Variants in CSAD observed in about 807,000 individuals in gnomAD.
CSAD encodes the protein cysteine sulfinic acid decarboxylase, also known as P-selectin cytoplasmic tail-associated protein.
In CSAD, 47 loss-of-function variants were observed where a neutral mutation model predicts 61.5. The observed-to-expected ratio is 0.76, with a 90% confidence interval of 0.60 to 0.97. The LOEUF is 0.97. Ranked by LOEUF, CSAD falls within the 50% of genes least tolerant of loss-of-function variation. The pLI is 0.00. For synonymous variants in CSAD, 245 were observed against 252.7 expected, an observed-to-expected ratio of 0.97 and a Z score of 0.29; for missense variants, 611 against 643.6, an observed-to-expected ratio of 0.95 and a Z score of 0.55.
intron 10 of CSAD, among the ~76,000 whole-genome samples, chr12:53,167,226 T>C (rs1461411451): frequency 1.3e-5 from 2 of 151,990 alleles, no homozygotes; most frequent in South Asian, 4.1e-4. Flanking sequence ...ACAGGTGGGG[T>C]GGAAACAGTC....
chr12:53,171,315 C>G lies in CSAD; in HGVS notation c.567+11G>C. ...CAGGAGCCCAGGGTTGGGCCTGTGC[C>G]TCTTCCCCACCTCCTTCGATGTGAA... On this transcript the variant is annotated intron_variant, in intron 8 of 16. Transcript: ENST00000444623. The G allele has an allele frequency of 6.2e-7, 1 of 1,613,964 alleles. No homozygotes were observed. The highest frequency in any genetic ancestry group is 8.5e-7 in the Non-Finnish European group (1 of 1,180,020).
At chr12:53,166,971 C>T (rs1220400833) in intron 10 of CSAD, among the ~76,000 whole-genome samples, 1 of 152,166 alleles carries the variant, frequency 6.6e-6, no homozygotes, top group Non-Finnish European at 1.5e-5. Context: ...AGATTCTCAA[C>T]AGAGACTCTA....
intron 1 of CSAD, chr12:53,180,521 A>G: frequency 2.4e-6 from 3 of 1,272,032 alleles, no homozygotes; most frequent in Non-Finnish European, 3.1e-6. Flanking sequence ...CGCCGGCCTC[A>G]GCGCTCCCTC....
intron 7 of CSAD, chr12:53,171,647 C>A: frequency 1.6e-6 from 1 of 627,648 alleles, no homozygotes; most frequent in East Asian, 2.7e-5. Flanking sequence ...TGGGGCTGCC[C>A]CCAAGAGACA....
rs1305741158 is a variant in CSAD at position 53,180,718 on chromosome 12, G to T, written c.-91+14C>A. The T allele has an allele frequency of 7.9e-7, 1 of 1,267,548 alleles. No homozygotes were observed. The highest frequency in any genetic ancestry group is 1.0e-6 in the Non-Finnish European group (1 of 978,216). The allele number at this position is 1,267,548 out of a possible 1,614,324, so 78.5% of individuals were successfully genotyped here. On this transcript the variant is annotated intron_variant, in intron 1 of 16. Transcript: ENST00000444623. ...TCCGGGGAAACGGGCCGGGGTTGGT[G>T]TTTGTAAACTTGCCTCGGTCCCGGT...
At position 53,158,630 on chromosome 12, in the gene CSAD, A is replaced by G. The variant is rs778690383; in HGVS notation, c.1363T>C (p.Tyr455His). 2 of 1,614,204 alleles carry G rather than the reference A, an allele frequency of 1.2e-6. No homozygotes were observed. The highest frequency in any genetic ancestry group is 4.5e-5 in the East Asian group (2 of 44,874). ...MVKEGSMMIG[Y>H]QPHGTRGNFF... Reference sequence around the variant, plus strand: ...TTGCCCCGGGTCCCGTGGGGCTGGTAGCCAATCATCATGGAGCCCTCCTTC... The same window carrying G: ...TTGCCCCGGGTCCCGTGGGGCTGGTGGCCAATCATCATGGAGCCCTCCTTC... The change falls in exon 17 of 17, where the codon TAC (tyrosine) becomes CAC (histidine). Residue 455 changes from tyrosine (Y) to histidine (H), a missense_variant. Physicochemically the swap from Tyr to His is moderately conservative, Grantham distance 83 (BLOSUM62 2). Transcript: ENST00000444623.
intron 16 of CSAD, among the ~76,000 whole-genome samples, chr12:53,159,330 C>T (rs1227611442): frequency 6.6e-6 from 1 of 152,246 alleles, no homozygotes; most frequent in African/African-American, 2.4e-5. Flanking sequence ...CATGATCATT[C>T]TGCCTCATAT....
At chr12:53,170,227 C>A (rs1940397467) in intron 9 of CSAD, 101 bp from the exon 10 acceptor site, 16 of 1,183,358 alleles carry the variant, frequency 1.4e-5, no homozygotes, top group Non-Finnish European at 1.9e-5. Context: ...TAGTTTTTCC[C>A]TCAGGGGGTG....
chr12:53,162,089 G>A lies in CSAD; in HGVS notation c.703-700C>T, dbSNP rs59557866. 6.6e-5 allele frequency among the ~76,000 whole-genome samples: 10 copies of A among 151,880 alleles called. No individual in the cohort carries two copies. In the East Asian group the frequency reaches 9.7e-4, roughly 15 times the overall value. On this transcript the variant is annotated intron_variant, in intron 10 of 16. Transcript: ENST00000444623. ...AGCCTGGCCAACATGGCAAAACCCC[G>A]TCTCTATTAAAAAATACAGAAATTA...
chr12:53,173,985 T>C (rs956895889), intron 2 of CSAD: 25 of 569,638 alleles, frequency 4.4e-5, no homozygotes, highest in Non-Finnish European at 2.5e-5. Flanking sequence ...TCTGTAGATT[T>C]GTCTAGTCTG....
Position 53,171,981 on chromosome 12 carries a change from A to T in CSAD, c.352T>A (p.Tyr118Asn), listed in dbSNP as rs757807557. 3.1e-6 allele frequency: 5 copies of T among 1,612,810 alleles called. No homozygotes were observed. The highest frequency in any genetic ancestry group is 4.2e-6 in the Non-Finnish European group (5 of 1,178,926). Reference sequence around the variant, plus strand: ...AGCACAAACACGGGGGCGATTTCATATGTGTACCTGCCAGGAGAGAGAACG... The same window carrying T: ...AGCACAAACACGGGGGCGATTTCATTTGTGTACCTGCCAGGAGAGAGAACG... ...TESLNTSQYTYEIAPVFVLME... is the reference protein window; with the variant it reads ...TESLNTSQYTNEIAPVFVLME... The change falls in exon 7 of 17, where the codon TAT (tyrosine) becomes AAT (asparagine). Residue 118 changes from tyrosine to asparagine, a missense_variant. Transcript: ENST00000444623.
chr12:53,157,952 A>T lies in CSAD; in HGVS notation c.*559T>A, dbSNP rs1938745685. The T allele has an allele frequency of 6.6e-6, 1 of 152,234 alleles. No individual in the cohort carries two copies. The highest frequency in any genetic ancestry group is 6.5e-5 in the Admixed American group (1 of 15,282). 9.4% of individuals were successfully genotyped at this position (152,234 alleles called of 1,614,324 possible). A position where few individuals can be genotyped will look rare whatever the true frequency, so the allele number is the denominator to read the frequency against. On this transcript the variant is annotated 3_prime_UTR_variant, in exon 17 of 17. Transcript: ENST00000444623. Reference sequence around the variant, plus strand: ...CAGCTTTTTCAACATAAATTACATTAAAGTTATTTTTATGTCAATAAAAAT... The same window carrying T: ...CAGCTTTTTCAACATAAATTACATTTAAGTTATTTTTATGTCAATAAAAAT...
Position 53,172,639 on chromosome 12 carries a change from A to T in CSAD, c.136T>A (p.Trp46Arg). Residue 46 changes from tryptophan (W) to arginine (R), a missense_variant, in exon 5 of 17, where the codon TGG becomes AGG. Trp to Arg is a moderately radical substitution (Grantham distance 101). Transcript: ENST00000444623. ...TGCTTCAGCTCCTCAGGCTCCTTCC[A>T]CTCACAGACCTAGGAAGAGAGCCGG... is the stretch of plus-strand genomic sequence containing the variant. ...GTSVSQKVCE[W>R]KEPEELKQLL... The T allele has an allele frequency of 6.2e-7, 1 of 1,606,388 alleles. No individual in the cohort carries two copies. The highest frequency in any genetic ancestry group is 8.5e-7 in the Non-Finnish European group (1 of 1,177,496).
At position 53,180,721 on chromosome 12, in the gene CSAD, T is replaced by A. The variant is rs1344227071; in HGVS notation, c.-91+11A>T. The stretch of plus-strand genomic sequence containing the variant: ...GGGGAAACGGGCCGGGGTTGGTGTT[T>A]GTAAACTTGCCTCGGTCCCGGTGGG... On this transcript the variant is annotated intron_variant, in intron 1 of 16. Coordinates refer to ENST00000444623, the MANE Select transcript of CSAD (RefSeq NM_001244705.2). 1 of 1,265,444 alleles carries A rather than the reference T, an allele frequency of 7.9e-7. No homozygotes were observed. Among genetic ancestry groups the A allele is most frequent in the East Asian group, 6.3e-5 (1 of 15,758 alleles). 78.4% of individuals were successfully genotyped at this position (1,265,444 alleles called of 1,614,324 possible). A position where few individuals can be genotyped will look rare whatever the true frequency, so the allele number is the denominator to read the frequency against.
chr12:53,159,284 G>A (rs1030193111), intron 16 of CSAD, among the ~76,000 whole-genome samples: 4 of 152,144 alleles, frequency 2.6e-5, no homozygotes, highest in Non-Finnish European at 5.9e-5. Flanking sequence ...GCTTTCTCGG[G>A]TTGCTGTGTC....
intron 9 of CSAD, 84 bp downstream of exon 9, chr12:53,170,339 G>C: frequency 1.6e-6 from 2 of 1,266,976 alleles, no homozygotes; most frequent in South Asian, 2.4e-5. Context: ...CCAGCGGTAA[G>C]GGTCTGATGC....
chr12:53,180,543 C>T (rs897147460), intron 1 of CSAD, 189 bp downstream of exon 1: 57 of 1,278,780 alleles, frequency 4.5e-5, no homozygotes, highest in Non-Finnish European at 5.3e-5. Flanking sequence ...TCCATGCCCT[C>T]GGCGCACGGC....
intron 7 of CSAD, 34 bp downstream of exon 7, chr12:53,171,848 A>G: frequency 7.2e-7 from 1 of 1,393,484 alleles, no homozygotes; most frequent in Non-Finnish European, 1.0e-6. Flanking sequence ...ACTCATAAAA[A>G]GGGCAAAGAA....
chr12:53,169,987 G>T, intron 10 of CSAD, 85 bp downstream of exon 10: 1 of 1,186,610 alleles, frequency 8.4e-7, no homozygotes, highest in Non-Finnish European at 1.3e-6. Context: ...CGAGAGGGAT[G>T]AAGGATGCCT....
Sources: gnomAD v4.1 joint callset for allele counts (sites outside exome capture counted in the v4.1 genomes callset) on GRCh38, gnomAD v4.1.1 for gene constraint, MANE v1.5 for transcripts, NCBI Gene and HGNC (gene_info 2026-07-23, HGNC 2026-07-21) for gene names.